Variants in ADAMTS16 observed in about 807,000 individuals in gnomAD.
ADAMTS16 encodes the protein A disintegrin and metalloproteinase with thrombospondin motifs 16.
Under a neutral mutation model 145.8 loss-of-function variants are expected in ADAMTS16, and 94 were observed. That is an observed-to-expected ratio of 0.64 (90% confidence interval 0.55 to 0.77). The LOEUF is 0.77. ADAMTS16 is among the 30% of genes least tolerant of loss of function. The probability of loss-of-function intolerance (pLI) is 0.00; values close to 1 mark genes in which losing one functional copy is unlikely to be tolerated. For synonymous variants in ADAMTS16, 659 were observed against 604.3 expected (o/e 1.09, Z -1.33); for missense variants, 1,585 against 1,591.5 (o/e 1.00, Z 0.07).
At chr5:5,268,889 C>T (rs976065407) in intron 18 of ADAMTS16, among the ~76,000 whole-genome samples, 5 of 152,102 alleles carry the variant, frequency 3.3e-5, no homozygotes, top group Admixed American at 1.3e-4. Context: ...CGGAGGTAGT[C>T]GAGCCTGGTG....
intron 11 of ADAMTS16, among the ~76,000 whole-genome samples, chr5:5,231,966 T>TA (rs1277826198): frequency 6.6e-6 from 1 of 152,200 alleles, no homozygotes; most frequent in Non-Finnish European, 1.5e-5. Flanking sequence ...TGTGCTTTCC[T>TA]ACCTGAGACT....
intron 17 of ADAMTS16, among the ~76,000 whole-genome samples, chr5:5,260,342 T>C (rs886544115): frequency 1.3e-5 from 2 of 152,260 alleles, no homozygotes; most frequent in Non-Finnish European, 2.9e-5. Flanking sequence ...GAAATATTCT[T>C]CTTCAAGAGG....
At chr5:5,290,812 C>T (rs1186753091) in intron 18 of ADAMTS16, among the ~76,000 whole-genome samples, 1 of 152,090 alleles carries the variant, frequency 6.6e-6, no homozygotes, top group Non-Finnish European at 1.5e-5. Context: ...TTTTCTTTCC[C>T]CTTGTAAACT....
intron 18 of ADAMTS16, among the ~76,000 whole-genome samples, chr5:5,274,714 GCATACACACA>G (rs1197547905): frequency 7.1e-6 from 1 of 141,272 alleles, no homozygotes; most frequent in African/African-American, 2.7e-5. Flanking sequence ...ACATATATAT[GCATACACACA>G]CATGCACACA....
intron 12 of ADAMTS16, among the ~76,000 whole-genome samples, chr5:5,234,793 C>T (rs1372194183): frequency 6.8e-6 from 1 of 148,146 alleles, no homozygotes. Flanking sequence ...TCACTTGAAC[C>T]CAGGAGACAG....
chr5:5,220,269 C>T (rs1736558628), intron 10 of ADAMTS16, among the ~76,000 whole-genome samples: 1 of 150,310 alleles, frequency 6.7e-6, no homozygotes, highest in African/African-American at 2.5e-5. Context: ...ACGCCATTCT[C>T]CTGACTCAGC....
chr5:5,153,641 A>C (rs1734528329), intron 3 of ADAMTS16, among the ~76,000 whole-genome samples: 1 of 152,206 alleles, frequency 6.6e-6, no homozygotes, highest in African/African-American at 2.4e-5. Flanking sequence ...CCATTAGTCA[A>C]TATTTTTAAG....
intron 2 of ADAMTS16, among the ~76,000 whole-genome samples, chr5:5,143,609 C>A (rs1199987700): frequency 1.3e-5 from 2 of 152,180 alleles, no homozygotes. Context: ...TACCATTTGA[C>A]CCAGCAATCC....
intron 17 of ADAMTS16, among the ~76,000 whole-genome samples, chr5:5,247,172 C>T (rs2913636): frequency 0.99 from 150,076 of 152,258 alleles, 73,991 homozygotes; most frequent in Middle Eastern, 1. Context: ...TTCTGAATCC[C>T]AGAGTGGGTG....
chr5:5,295,261 AATATTTT>A (rs1739485333), intron 18 of ADAMTS16, among the ~76,000 whole-genome samples: 1 of 152,196 alleles, frequency 6.6e-6, no homozygotes, highest in Non-Finnish European at 1.5e-5. Flanking sequence ...ATGTTTCCTC[AATATTTT>A]ACTTTTGTCT....
At chr5:5,151,442 G>T (rs191215895) in intron 3 of ADAMTS16, among the ~76,000 whole-genome samples, 4 of 151,926 alleles carry the variant, frequency 2.6e-5, no homozygotes, top group Non-Finnish European at 5.9e-5. Context: ...GTTTCACCAT[G>T]TTGGCCAGGC....
chr5:5,279,085 C>G (rs58947522), intron 18 of ADAMTS16, among the ~76,000 whole-genome samples: 3,282 of 152,278 alleles, frequency 0.022, 111 homozygotes, highest in African/African-American at 0.075. Context: ...GCCAATCTCT[C>G]CATCCCTTTT....
rs776728292 is a variant in ADAMTS16, at chr5:5,187,718, T to G, written c.964-7T>G. On this transcript the variant is annotated splice_region_variant and splice_polypyrimidine_tract_variant and intron_variant, in intron 5 of 22. Coordinates refer to ENST00000274181, the MANE Select transcript of ADAMTS16 (RefSeq NM_139056.4). ...TGGGGCTGACATGGATTTCCTGTCTTTTTCAGGTATCTGCTTTATTCAAAG... is the reference window on the plus strand; with the variant it reads ...TGGGGCTGACATGGATTTCCTGTCTGTTTCAGGTATCTGCTTTATTCAAAG... The G allele has an allele frequency of 1.6e-5, 25 of 1,604,778 alleles. No homozygotes were observed. The Middle Eastern group carries it at 8.2e-4, about 53-fold the overall frequency.
In ADAMTS16 at chr5:5,182,248, A is replaced by G; in HGVS notation, c.706A>G (p.Ser236Gly). The change falls in exon 4 of 23, where the codon AGC becomes GGC. Residue 236 changes from serine to glycine, a missense_variant. Transcript: ENST00000274181. ...WELAHQPLHS[S>G]DLRLGLPQKQ... ...GCTGGCACATCAACCCCTGCACAGC[A>G]GCGACCTTCGCCTGGGACTGCCACA... 1.2e-6 allele frequency: 2 copies of G among 1,614,080 alleles called. No homozygotes were observed. Among genetic ancestry groups the G allele is most frequent in the Non-Finnish European group, 1.7e-6 (2 of 1,179,938 alleles).
Position 5,317,694 on chromosome 5 carries a change from G to A in ADAMTS16, c.3412-440G>A, listed in dbSNP as rs757377009. 3.9e-5 allele frequency among the ~76,000 whole-genome samples: 6 copies of A among 152,064 alleles called. No homozygotes were observed. Among genetic ancestry groups the A allele is most frequent in the Non-Finnish European group, 8.8e-5 (6 of 68,038 alleles). On this transcript the variant is annotated intron_variant, in intron 21 of 22. Coordinates refer to ENST00000274181, the MANE Select transcript of ADAMTS16 (RefSeq NM_139056.4). This position sits in a 1 kb window ranked among gnomAD's most constrained non-coding sequence, Gnocchi z 4.5. ...ATTACAGGCATGAGCCACCGTGCCCGGCAGTATATTTACTTTTTTAAAAAG... is the reference window on the plus strand; with the variant it reads ...ATTACAGGCATGAGCCACCGTGCCCAGCAGTATATTTACTTTTTTAAAAAG...
Position 5,183,357 on chromosome 5 carries a change from C to T in ADAMTS16, c.763+1052C>T, listed in dbSNP as rs116074225. Among the ~76,000 whole-genome samples the T allele has an allele frequency of 6.0e-4, 91 of 152,296 alleles. 1 individual carries two copies. Among genetic ancestry groups the T allele is most frequent in the South Asian group, 1.9e-3 (9 of 4,828 alleles). On this transcript the variant is annotated intron_variant, in intron 4 of 22. Transcript: ENST00000274181. The stretch of plus-strand genomic sequence containing the variant: ...GGCGTGCATATCGGCAACAGCTGCC[C>T]GAGGCTGCCGTGACCGGCAGGTCAG...
rs371536205 is a variant in ADAMTS16, at chr5:5,262,764, G to A, written c.2770G>A (p.Val924Ile). The A allele has an allele frequency of 2.5e-6, 4 of 1,614,162 alleles. No individual in the cohort carries two copies. The highest frequency in any genetic ancestry group is 2.2e-5 in the South Asian group (2 of 91,072). ...TGTCACGGGGCTGGTGCCTTGCAAAGTATCTGCCTGTCCTCCCAGGTAAGA... is the reference window on the plus strand; with the variant it reads ...TGTCACGGGGCTGGTGCCTTGCAAAATATCTGCCTGTCCTCCCAGGTAAGA... ...RPVTGLVPCKVSACPPSWSVG... is the reference protein window; with the variant it reads ...RPVTGLVPCKISACPPSWSVG... Residue 924 changes from valine (V) to isoleucine (I), a missense_variant, in exon 18 of 23, where the codon GTA becomes ATA. Physicochemically the swap from Val to Ile is conservative, Grantham distance 29. Around this residue, in one of 3 missense-constraint regions of ADAMTS16, gnomAD observed 834 missense variants for 811.7 expected, o/e 1.03. Transcript: ENST00000274181.
At chr5:5,173,247 T>G (rs963704501) in intron 3 of ADAMTS16, among the ~76,000 whole-genome samples, 11 of 151,978 alleles carry the variant, frequency 7.2e-5, no homozygotes, top group African/African-American at 2.4e-4. Context: ...CCATTTACAT[T>G]CAATTTTATT....
intron 3 of ADAMTS16, among the ~76,000 whole-genome samples, chr5:5,161,968 A>C (rs1326387918): frequency 6.6e-6 from 1 of 152,146 alleles, no homozygotes. Flanking sequence ...CCCAAACCAA[A>C]GCTTGGGAGA....
Sources: gnomAD v4.1 joint callset for allele counts (sites outside exome capture counted in the v4.1 genomes callset) on GRCh38, gnomAD v4.1.1 for gene constraint, gnomAD v4.1.1 regional missense constraint, Gnocchi (gnomAD v3.1) non-coding constraint, MANE v1.5 for transcripts, NCBI Gene and HGNC (gene_info 2026-07-23, HGNC 2026-07-21) for gene names.